The following JMJD1C variants were observed in gnomAD, a reference collection of about 807,000 sequenced individuals.
The protein encoded by JMJD1C is jumonji domain-containing protein 1C.
Under a neutral mutation model 245.3 loss-of-function variants are expected in JMJD1C, and 31 were observed. The observed-to-expected ratio is 0.13, with a 90% CI of 0.09 to 0.17. The LOEUF (loss-of-function observed/expected upper bound fraction) is 0.17. Ranked by LOEUF, JMJD1C falls within the 10% of genes least tolerant of loss-of-function variation. JMJD1C has a pLI of 1.00. For missense variants in JMJD1C, 2,691 were observed against 3,000.2 expected, an observed-to-expected ratio of 0.90 and a Z score of 2.41; for synonymous variants, 1,057 against 1,017.4, an observed-to-expected ratio of 1.04 and a Z score of -0.74.
chr10:63,420,973 C>T (rs992655701), intron 1 of JMJD1C, among the ~76,000 whole-genome samples: 26 of 151,910 alleles, frequency 1.7e-4, no homozygotes, highest in African/African-American at 6.3e-4. Flanking sequence ...TCTGGTGAGA[C>T]TAAAAAAATC....
chr10:63,449,054 C>G (rs942499966), intron 1 of JMJD1C, among the ~76,000 whole-genome samples: 3 of 152,014 alleles, frequency 2.0e-5, no homozygotes, highest in Non-Finnish European at 4.4e-5. Flanking sequence ...GAGGCAGAGG[C>G]TGCAGTGAGC....
At chr10:63,397,253 G>A (rs1324313211) in intron 1 of JMJD1C, among the ~76,000 whole-genome samples, 2 of 151,678 alleles carry the variant, frequency 1.3e-5, no homozygotes, top group African/African-American at 2.4e-5. Flanking sequence ...CGCTCTTGTC[G>A]CCCAGGCTGG....
At chr10:63,227,875 C>T (rs1213044929) in intron 3 of JMJD1C, among the ~76,000 whole-genome samples, 1 of 152,124 alleles carries the variant, frequency 6.6e-6, no homozygotes, top group South Asian at 2.1e-4. Context: ...AGTTTTAAAA[C>T]GTGAATGTTA....
intron 22 of JMJD1C, among the ~76,000 whole-genome samples, chr10:63,179,195 A>AG (rs1377574788): frequency 7.9e-5 from 12 of 152,074 alleles, no homozygotes; most frequent in Non-Finnish European, 1.6e-4. Context: ...GGATCACCTG[A>AG]GGTCAGGAGT....
chr10:63,481,322 A>G (rs984996291), intron 1 of JMJD1C, among the ~76,000 whole-genome samples: 1 of 152,224 alleles, frequency 6.6e-6, no homozygotes, highest in Non-Finnish European at 1.5e-5. Flanking sequence ...GGTGATATTA[A>G]CAGAATATGA....
At chr10:63,246,042 C>T (rs1852162452) in intron 3 of JMJD1C, among the ~76,000 whole-genome samples, 1 of 150,848 alleles carries the variant, frequency 6.6e-6, no homozygotes, top group African/African-American at 2.5e-5. Context: ...AAGAAAAAAA[C>T]AACAATGAAA....
chr10:63,516,807 ATACT>A (rs1336861655), intron 1 of JMJD1C, among the ~76,000 whole-genome samples: 1 of 152,184 alleles, frequency 6.6e-6, no homozygotes, highest in African/African-American at 2.4e-5. Context: ...CCTATAGTGA[ATACT>A]TAATCAGAAC....
intron 1 of JMJD1C, among the ~76,000 whole-genome samples, chr10:63,481,348 C>T (rs1953822459): frequency 6.6e-6 from 1 of 152,096 alleles, no homozygotes; most frequent in African/African-American, 2.4e-5. Context: ...TGTACAAACA[C>T]ATTTATTGCA....
At chr10:63,174,257 C>G (rs1564548632) in intron 24 of JMJD1C, among the ~76,000 whole-genome samples, 1 of 152,114 alleles carries the variant, frequency 6.6e-6, no homozygotes. Context: ...ATAGCTTTAT[C>G]TATTATTGCC....
intron 1 of JMJD1C, among the ~76,000 whole-genome samples, chr10:63,404,407 TA>T (rs1340105875): frequency 2.0e-5 from 3 of 152,162 alleles, no homozygotes; most frequent in Admixed American, 2.0e-4. Flanking sequence ...AACCACATGC[TA>T]ATTTTTTTTT....
chr10:63,386,787 GC>G (rs750398399), intron 1 of JMJD1C, among the ~76,000 whole-genome samples: 4 of 152,062 alleles, frequency 2.6e-5, no homozygotes, highest in African/African-American at 4.8e-5. Context: ...ACCGCCCAGG[GC>G]CCAGTAACCT....
At chr10:63,376,653 G>A (rs986851845) in intron 2 of JMJD1C, among the ~76,000 whole-genome samples, 1 of 152,002 alleles carries the variant, frequency 6.6e-6, no homozygotes, top group Admixed American at 6.5e-5. Context: ...CATACAAATG[G>A]CCAAGAAGCA....
chr10:63,177,542 A>G (rs1006288668), intron 23 of JMJD1C, 175 bp downstream of exon 23: 3 of 638,174 alleles, frequency 4.7e-6, no homozygotes, highest in African/African-American at 3.7e-5. Context: ...ATGTTAACAG[A>G]CTTTCAAAGA....
intron 2 of JMJD1C, among the ~76,000 whole-genome samples, chr10:63,331,920 T>C (rs1942194253): frequency 6.6e-6 from 1 of 152,160 alleles, no homozygotes. Flanking sequence ...GCACCCGACC[T>C]TTTAACAACC....
At chr10:63,353,079 G>A (rs1006042641) in intron 2 of JMJD1C, among the ~76,000 whole-genome samples, 35 of 152,302 alleles carry the variant, frequency 2.3e-4, no homozygotes, top group African/African-American at 8.4e-4. Flanking sequence ...TTTCATGTGT[G>A]ATAAATGAAG....
intron 1 of JMJD1C, chr10:63,427,602 T>C: frequency 1.4e-6 from 2 of 1,403,344 alleles, no homozygotes; most frequent in Non-Finnish European, 2.0e-6. Context: ...ACATCAACCA[T>C]GCCCGGCTGA....
chr10:63,386,972 G>A (rs1039747634), intron 1 of JMJD1C, among the ~76,000 whole-genome samples: 3 of 152,136 alleles, frequency 2.0e-5, no homozygotes, highest in Non-Finnish European at 4.4e-5. Flanking sequence ...TGGCCCATGT[G>A]GCAACCCATT....
Position 63,507,817 on chromosome 10 carries a change from A to G in JMJD1C, n.113+13921T>C, listed in dbSNP as rs547632468. ...ACATTTTAATTTGCATTTTCCTGAC[A>G]ACATATGATGTGGTACATCTTTTCA... is the stretch of plus-strand genomic sequence containing the variant. On this transcript the variant is annotated intron_variant and non_coding_transcript_variant, in intron 1 of 3. Coordinates refer to the JMJD1C transcript ENST00000633035. Among the ~76,000 whole-genome samples, 106 of 152,162 alleles carry G rather than the reference A, an allele frequency of 7.0e-4. 1 individual carries two copies. The highest frequency in any genetic ancestry group is 2.5e-3 in the African/African-American group (103 of 41,480).
intron 2 of JMJD1C, among the ~76,000 whole-genome samples, chr10:63,335,098 G>GA (rs1198053994): frequency 1.4e-5 from 2 of 147,484 alleles, no homozygotes; most frequent in African/African-American, 5.0e-5. Context: ...AACTGACCCA[G>GA]AAAAATGGAG....
Sources: allele counts gnomAD v4.1 joint callset (sites outside exome capture counted in the v4.1 genomes callset), GRCh38; gene constraint gnomAD v4.1.1; transcripts MANE v1.5; gene names NCBI Gene and HGNC (gene_info 2026-07-23, HGNC 2026-07-21).